The following SNX24 variants were observed in gnomAD, a reference collection of about 807,000 sequenced individuals.
SNX24 encodes the protein sorting nexin 24.
Under a neutral mutation model 28.7 loss-of-function variants are expected in SNX24, and 22 were observed. The observed-to-expected ratio is 0.77, with a 90% CI of 0.55 to 1.10. The LOEUF (loss-of-function observed/expected upper bound fraction) is 1.10, where lower values mean the gene tolerates loss of function less well. SNX24 is among the 50% of genes least tolerant of loss of function. The probability of loss-of-function intolerance (pLI) is 0.00; values close to 1 mark genes in which losing one functional copy is unlikely to be tolerated. For missense variants in SNX24, 221 were observed against 201.1 expected, an observed-to-expected ratio of 1.10 and a Z score of -0.60; for synonymous variants, 69 against 71.5, an observed-to-expected ratio of 0.96 and a Z score of 0.18.
chr5:122,872,747 C>T (rs181555754), intron 1 of SNX24, among the ~76,000 whole-genome samples: 2 of 151,274 alleles, frequency 1.3e-5, no homozygotes, highest in Admixed American at 6.6e-5. Context: ...TATTCACAGT[C>T]GGTTGAATCT....
intron 6 of SNX24, among the ~76,000 whole-genome samples, chr5:123,007,194 T>C (rs762200540): frequency 2.6e-5 from 4 of 152,180 alleles, no homozygotes; most frequent in Non-Finnish European, 4.4e-5. Flanking sequence ...CTGACCCCCA[T>C]CTTACTGCTC....
intron 1 of SNX24, among the ~76,000 whole-genome samples, chr5:122,930,919 G>T (rs765266696): frequency 4.5e-4 from 68 of 152,156 alleles, no homozygotes; most frequent in Non-Finnish European, 8.2e-4. Context: ...ATGACATACA[G>T]CAGGTCCTTG....
intron 3 of SNX24, among the ~76,000 whole-genome samples, chr5:122,951,289 GAAAA>G (rs1759931190): frequency 1.5e-5 from 2 of 130,994 alleles, no homozygotes; most frequent in African/African-American, 5.7e-5. Context: ...AAAAGAAAAA[GAAAA>G]GAAAATTTAA....
chr5:122,998,428 A>G (rs1762125348), intron 3 of SNX24: 1 of 152,240 alleles, frequency 6.6e-6, no homozygotes, highest in Admixed American at 6.5e-5. Flanking sequence ...AAGATTTATC[A>G]TCATGTCCCA....
chr5:122,953,501 T>G (rs1451694061), intron 3 of SNX24, among the ~76,000 whole-genome samples: 1 of 147,364 alleles, frequency 6.8e-6, no homozygotes, highest in Non-Finnish European at 1.5e-5. Context: ...TTTCAGTACA[T>G]TTGAGACAAG....
rs986860807 is a variant in SNX24, at chr5:122,945,966, T to G, written c.145-89T>G. On this transcript the variant is annotated intron_variant, in intron 2 of 6. Transcript: ENST00000261369. ...GATAGCAGTAGTTCACTTTCTTTTATTGGCCTTTTTTCCCCAAATAATATC... is the reference window on the plus strand; with the variant it reads ...GATAGCAGTAGTTCACTTTCTTTTAGTGGCCTTTTTTCCCCAAATAATATC... The G allele has an allele frequency of 3.2e-5, 20 of 627,500 alleles. No homozygotes were observed. The Admixed American group carries it at 3.9e-4, about 12-fold the overall frequency. 38.9% of individuals were successfully genotyped at this position (627,500 alleles called of 1,614,324 possible).
chr5:122,920,591 T>TAC (rs1416999057), intron 1 of SNX24, among the ~76,000 whole-genome samples: 2 of 152,198 alleles, frequency 1.3e-5, no homozygotes, highest in Non-Finnish European at 2.9e-5. Flanking sequence ...ACAGTTGTTA[T>TAC]ACGCAAGTAG....
intron 1 of SNX24, among the ~76,000 whole-genome samples, chr5:122,933,816 C>G (rs1759063576): frequency 6.6e-6 from 1 of 151,630 alleles, no homozygotes; most frequent in South Asian, 2.1e-4. Flanking sequence ...GCAACACATT[C>G]AACTCTTTTT....
intron 1 of SNX24, among the ~76,000 whole-genome samples, chr5:122,871,940 A>G (rs919274217): frequency 2.0e-5 from 3 of 151,946 alleles, no homozygotes; most frequent in African/African-American, 7.3e-5. Flanking sequence ...TGCATTCCTT[A>G]AAATAATTAT....
intron 1 of SNX24, among the ~76,000 whole-genome samples, chr5:122,913,436 G>C (rs929698583): frequency 2.0e-5 from 3 of 148,826 alleles, no homozygotes; most frequent in Admixed American, 6.7e-5. Flanking sequence ...CTGGCCGGGC[G>C]GGGGGCTGAC....
intron 1 of SNX24, among the ~76,000 whole-genome samples, chr5:122,898,415 T>G (rs1480233712): frequency 6.6e-6 from 1 of 152,240 alleles, no homozygotes; most frequent in Non-Finnish European, 1.5e-5. Context: ...TTAAGAATGC[T>G]TAAAGTAAAA....
chr5:122,914,429 T>G (rs1246947641), intron 1 of SNX24, among the ~76,000 whole-genome samples: 2 of 151,952 alleles, frequency 1.3e-5, no homozygotes, highest in African/African-American at 2.4e-5. Flanking sequence ...TTAGGGAGGA[T>G]TCCCTCTTTT....
At chr5:122,911,863 C>G (rs1301246890) in intron 1 of SNX24, among the ~76,000 whole-genome samples, 113 of 143,034 alleles carry the variant, frequency 7.9e-4, no homozygotes, top group African/African-American at 2.8e-3. Flanking sequence ...TGCTGTTTTG[C>G]TTACTGTAGC....
rs572133855 is a variant in SNX24 at position 122,980,052 on chromosome 5, ACT to A, written c.250-19858_250-19857del. On this transcript the variant is annotated intron_variant, in intron 3 of 6. Coordinates refer to ENST00000261369, the MANE Select transcript of SNX24 (RefSeq NM_014035.4). ...GTGGGTTTTTTCCTTCCTTTTCCAC[ACT>A]CATTAAATATCAAAAGTCCTTTTGT... Among the ~76,000 whole-genome samples, 405 of 152,242 alleles carry A rather than the reference ACT, an allele frequency of 2.7e-3. 4 individuals are homozygous for A. Among genetic ancestry groups the A allele is most frequent in the Middle Eastern group, 0.01 (3 of 294 alleles).
At chr5:122,881,595 G>A (rs988350978) in intron 1 of SNX24, among the ~76,000 whole-genome samples, 8 of 152,252 alleles carry the variant, frequency 5.3e-5, no homozygotes, top group South Asian at 2.1e-4. Flanking sequence ...CTGACTTAGC[G>A]TGCTTGACTC....
intron 3 of SNX24, among the ~76,000 whole-genome samples, chr5:122,997,277 C>G (rs1762082061): frequency 6.6e-6 from 1 of 152,192 alleles, no homozygotes; most frequent in Non-Finnish European, 1.5e-5. Context: ...TTCTCTAAAA[C>G]TATAAATCCC....
intron 3 of SNX24, among the ~76,000 whole-genome samples, chr5:122,993,866 C>T (rs1463101693): frequency 6.6e-6 from 1 of 152,120 alleles, no homozygotes; most frequent in East Asian, 1.9e-4. Flanking sequence ...AGAAGAAAAG[C>T]TTCAGTGGTG....
chr5:122,959,525 A>G (rs1760380295), intron 3 of SNX24, among the ~76,000 whole-genome samples: 1 of 151,988 alleles, frequency 6.6e-6, no homozygotes, highest in South Asian at 2.1e-4. Context: ...GTGAGCCACT[A>G]TACCCAGCCT....
chr5:122,914,723 C>A (rs564540161), intron 1 of SNX24, among the ~76,000 whole-genome samples: 28 of 151,764 alleles, frequency 1.8e-4, no homozygotes, highest in African/African-American at 6.3e-4. Context: ...GTTTGTATTT[C>A]TGTGGGATCG....
Sources: gnomAD v4.1 joint callset for allele counts (sites outside exome capture counted in the v4.1 genomes callset) on GRCh38, gnomAD v4.1.1 for gene constraint, MANE v1.5 for transcripts, NCBI Gene and HGNC (gene_info 2026-07-23, HGNC 2026-07-21) for gene names.